LIPH: variants seen among roughly 807,000 people sequenced by gnomAD.
LIPH encodes lipase member H.
A neutral mutation model predicts 47.6 loss-of-function variants in LIPH; 32 were observed. The ratio of observed to expected loss-of-function variants is 0.67; its 90% CI spans 0.51 to 0.90. LIPH has a LOEUF of 0.90. Among genes scored for constraint, LIPH ranks in the 40% least tolerant of loss-of-function variants. LIPH has a pLI of 0.00. For synonymous variants in LIPH, 190 were observed against 195.6 expected (o/e 0.97, Z 0.24); for missense variants, 497 against 541.4 (o/e 0.92, Z 0.81).
At chr3:185,516,201 G>C (rs1187099803) in intron 7 of LIPH, among the ~76,000 whole-genome samples, 1 of 152,124 alleles carries the variant, frequency 6.6e-6, no homozygotes, top group Non-Finnish European at 1.5e-5. Context: ...GAGAGGCCAA[G>C]GCAGGCAGAT....
intron 7 of LIPH, among the ~76,000 whole-genome samples, chr3:185,515,036 C>T (rs1386433897): frequency 6.6e-6 from 1 of 152,148 alleles, no homozygotes; most frequent in Non-Finnish European, 1.5e-5. Flanking sequence ...TCTGTGAATC[C>T]ACCTTTTAGG....
In LIPH at chr3:185,507,866, CA is replaced by C. The variant is rs1719427410; in HGVS notation, c.*923del. 6.6e-6 allele frequency: 1 copy of C among 152,064 alleles called. No homozygotes were observed. Among genetic ancestry groups the C allele is most frequent in the African/African-American group, 2.4e-5 (1 of 41,386 alleles). 9.4% of individuals were successfully genotyped at this position (152,064 alleles called of 1,614,324 possible). A position where few individuals can be genotyped will look rare whatever the true frequency, so the allele number is the denominator to read the frequency against. ...ATAGATTACATTGGTAATAAAGAAA[CA>C]TAAACATTTCTTAAGGGTTGCTTAA... is the stretch of plus-strand genomic sequence containing the variant. On this transcript the variant is annotated 3_prime_UTR_variant, in exon 10 of 10. Coordinates refer to ENST00000296252, the MANE Select transcript of LIPH (RefSeq NM_139248.3).
intron 5 of LIPH, among the ~76,000 whole-genome samples, chr3:185,521,105 T>C (rs917146303): frequency 1.3e-5 from 2 of 152,094 alleles, no homozygotes; most frequent in African/African-American, 4.8e-5. Context: ...TGACCTCAGG[T>C]GATCTGCCCA....
intron 5 of LIPH, among the ~76,000 whole-genome samples, chr3:185,523,551 T>C (rs1448265966): frequency 1.3e-5 from 2 of 151,828 alleles, no homozygotes; most frequent in African/African-American, 4.8e-5. Flanking sequence ...CCCACAAGCA[T>C]GCCACAACAC....
intron 5 of LIPH, 89 bp from the exon 6 acceptor site, chr3:185,519,398 A>C (rs2148950360): frequency 2.0e-4 from 167 of 822,304 alleles, no homozygotes; most frequent in Middle Eastern, 3.4e-4. Flanking sequence ...ACAATTTCTC[A>C]TCTGGCCCTG....
intron 8 of LIPH, 102 bp from the exon 9 acceptor site, chr3:185,511,799 C>T (rs1719575307): frequency 2.5e-6 from 2 of 809,588 alleles, no homozygotes; most frequent in African/African-American, 1.7e-5. Context: ...CTATTTCACC[C>T]CATAGCCTGC....
At position 185,526,547 on chromosome 3, in the gene LIPH, A is replaced by G. The variant is rs548636630; in HGVS notation, c.628+937T>C. ...AAAATAATAAAATAAAATAAAATAA[A>G]ATAAGATAAGATAAGATAAAATAAA... is the stretch of plus-strand genomic sequence containing the variant. On this transcript the variant is annotated intron_variant, in intron 4 of 9. Transcript: ENST00000296252. Among the ~76,000 whole-genome samples, 269 of 144,220 alleles carry G rather than the reference A, an allele frequency of 1.9e-3. 1 individual carries two copies. Among genetic ancestry groups the G allele is most frequent in the African/African-American group, 5.5e-3 (212 of 38,858 alleles). The allele number at this position is 144,220 out of a possible 152,430, so 94.6% of individuals were successfully genotyped here.
At chr3:185,531,721 A>T (rs573472200) in intron 3 of LIPH, among the ~76,000 whole-genome samples, 20 of 152,242 alleles carry the variant, frequency 1.3e-4, no homozygotes, top group South Asian at 1.0e-3. Flanking sequence ...TCACTAAATT[A>T]AAAAAATTAA....
intron 6 of LIPH, among the ~76,000 whole-genome samples, chr3:185,518,701 T>A (rs1310975164): frequency 2.0e-5 from 3 of 150,216 alleles, no homozygotes; most frequent in African/African-American, 7.5e-5. Context: ...TTTTAAGAAA[T>A]TTTTTTTTAA....
intron 5 of LIPH, among the ~76,000 whole-genome samples, chr3:185,522,124 T>TAG (rs1719912093): frequency 6.6e-6 from 1 of 152,146 alleles, no homozygotes; most frequent in Non-Finnish European, 1.5e-5. Context: ...AGAAGATACC[T>TAG]AGAGCCAGTG....
intron 1 of LIPH, among the ~76,000 whole-genome samples, chr3:185,536,717 T>C (rs888055262): frequency 2.0e-5 from 3 of 152,020 alleles, no homozygotes; most frequent in African/African-American, 7.2e-5. Flanking sequence ...TTAAATGAAC[T>C]TAAAGGAAAT....
chr3:185,514,759 G>A (rs983547084), intron 7 of LIPH, among the ~76,000 whole-genome samples: 2 of 152,160 alleles, frequency 1.3e-5, no homozygotes, highest in Admixed American at 6.6e-5. Flanking sequence ...AGGCATCATC[G>A]TTGAACCAGT....
intron 4 of LIPH, among the ~76,000 whole-genome samples, chr3:185,526,676 T>TAAAAA (rs1720102899): frequency 3.2e-5 from 1 of 31,338 alleles, no homozygotes; most frequent in Non-Finnish European, 7.4e-5. Flanking sequence ...TATAATATAA[T>TAAAAA]ATAATATAAT....
chr3:185,549,126 T>C (rs1289997738), intron 1 of LIPH, among the ~76,000 whole-genome samples: 2 of 141,258 alleles, frequency 1.4e-5, no homozygotes, highest in African/African-American at 5.2e-5. Flanking sequence ...CGAGACTCCA[T>C]CTCAAAAAAA....
rs2148959815 is a variant in LIPH, at chr3:185,535,116, A to G, written c.66T>C (p.Cys22=). Reference sequence around the variant, plus strand: ...GAAAGCTCAGCCTGGTGAATGAAGGACATGTTTCTTCTGCGTCTGAAAATA... The same window carrying G: ...GAAAGCTCAGCCTGGTGAATGAAGGGCATGTTTCTTCTGCGTCTGAAAATA... ...CLSRSDAEET[C]PSFTRLSFHS... Residue 22 remains cysteine (C), a synonymous_variant, in exon 2 of 10, where the codon TGT becomes TGC. Coordinates refer to ENST00000296252, the MANE Select transcript of LIPH (RefSeq NM_139248.3). 1 of 1,614,192 alleles carries G rather than the reference A, an allele frequency of 6.2e-7. No homozygotes were observed. Among genetic ancestry groups the G allele is most frequent in the Non-Finnish European group, 8.5e-7 (1 of 1,180,042 alleles).
chr3:185,509,804 G>A (rs1184048432), intron 9 of LIPH, among the ~76,000 whole-genome samples: 1 of 152,038 alleles, frequency 6.6e-6, no homozygotes, highest in Non-Finnish European at 1.5e-5. Flanking sequence ...GTACTTTCTA[G>A]ATTTTGTCAA....
At chr3:185,518,667 A>T (rs2148949853) in intron 6 of LIPH, among the ~76,000 whole-genome samples, 1 of 152,112 alleles carries the variant, frequency 6.6e-6, no homozygotes, top group African/African-American at 2.4e-5. Context: ...AGAAAAAAAA[A>T]GTCTATTTTT....
intron 1 of LIPH, among the ~76,000 whole-genome samples, chr3:185,537,818 T>C (rs1018864530): frequency 2.0e-5 from 3 of 152,138 alleles, no homozygotes; most frequent in Admixed American, 1.3e-4. Flanking sequence ...GGTTTTGTGT[T>C]TTGTTTTGAG....
intron 1 of LIPH, among the ~76,000 whole-genome samples, chr3:185,545,655 C>A (rs1720847624): frequency 6.6e-6 from 1 of 152,056 alleles, no homozygotes; most frequent in African/African-American, 2.4e-5. Context: ...GGGAGGGTCC[C>A]TTGACGTGAG....
Sources: gnomAD v4.1 joint callset for allele counts (sites outside exome capture counted in the v4.1 genomes callset) on GRCh38, gnomAD v4.1.1 for gene constraint, MANE v1.5 for transcripts, NCBI Gene and HGNC (gene_info 2026-07-23, HGNC 2026-07-21) for gene names.